TMCC2: variants seen among roughly 807,000 people sequenced by gnomAD.
The protein encoded by TMCC2 is transmembrane and coiled-coil domains protein 2.
TMCC2 carries 16 observed loss-of-function variants against 49.4 expected under a neutral mutation model. The ratio of observed to expected loss-of-function variants is 0.32; its 90% CI spans 0.22 to 0.49. TMCC2 has a LOEUF of 0.49. Among genes scored for constraint, TMCC2 ranks in the 20% least tolerant of loss-of-function variants. The pLI, the probability that TMCC2 is intolerant of heterozygous loss-of-function variation, is 0.99. For synonymous variants in TMCC2, 397 were observed against 434.1 expected, an observed-to-expected ratio of 0.91 and a Z score of 1.06; for missense variants, 762 against 989.8, an observed-to-expected ratio of 0.77 and a Z score of 3.09.
chr1:205,256,089 A>C, intron 2 of TMCC2: 1 of 806,982 alleles, frequency 1.2e-6, no homozygotes, highest in Non-Finnish European at 1.8e-6. Context: ...ACTGGCTCCC[A>C]GAGATAGCAC....
intron 3 of TMCC2, 71 bp from the exon 4 acceptor site, chr1:205,271,049 A>G (rs1002943179): frequency 9.5e-6 from 15 of 1,580,038 alleles, no homozygotes; most frequent in Admixed American, 3.5e-5. Flanking sequence ...GAGAGAATGA[A>G]TGAATCAACT....
chr1:205,266,883 T>C (rs1350609011), intron 2 of TMCC2, among the ~76,000 whole-genome samples: 5 of 152,354 alleles, frequency 3.3e-5, no homozygotes, highest in Non-Finnish European at 7.3e-5. Context: ...GCGAGGACAC[T>C]GAAGGTCAGG....
intron 1 of TMCC2, among the ~76,000 whole-genome samples, chr1:205,239,581 G>A (rs1010694643): frequency 6.6e-6 from 1 of 152,206 alleles, no homozygotes; most frequent in African/African-American, 2.4e-5. Context: ...TCTAAATGGA[G>A]ATGTTTCCGT....
At chr1:205,267,326 G>C (rs1385440994) in intron 2 of TMCC2, among the ~76,000 whole-genome samples, 1 of 152,212 alleles carries the variant, frequency 6.6e-6, no homozygotes, top group Non-Finnish European at 1.5e-5. Context: ...ATCAAGCCAA[G>C]TGACTTATGC....
intron 2 of TMCC2, among the ~76,000 whole-genome samples, chr1:205,257,665 G>A (rs1660933589): frequency 6.6e-6 from 1 of 152,196 alleles, no homozygotes; most frequent in Admixed American, 6.5e-5. Context: ...TGGGGCCCAG[G>A]CACCTTATTA....
rs1381341155 is a variant in TMCC2, at chr1:205,241,653, C to G, written c.356C>G (p.Ser119Cys). The G allele has an allele frequency of 6.2e-7, 1 of 1,613,922 alleles. No individual in the cohort carries two copies. The highest frequency in any genetic ancestry group is 1.1e-5 in the South Asian group (1 of 91,076). Reference sequence around the variant, plus strand: ...CAGCAGGGTATGTCCGACCATGACTCCCCAGATGAGAAGGAGCGCTCTCCG... The same window carrying G: ...CAGCAGGGTATGTCCGACCATGACTGCCCAGATGAGAAGGAGCGCTCTCCG... ...QQQQGMSDHD[S>C]PDEKERSPEM... is the part of the protein sequence containing the mutation. Residue 119 changes from serine to cysteine, a missense_variant, in exon 2 of 5, where the codon TCC (serine) becomes TGC (cysteine). By Grantham distance (112) the Ser-to-Cys change is moderately radical (BLOSUM62 -1). Transcript: ENST00000358024. This position sits in a 1 kb window ranked among gnomAD's most constrained non-coding sequence, Gnocchi z 7.3.
chr1:205,256,494 T>C (rs1054424236), intron 2 of TMCC2: 6 of 1,422,008 alleles, frequency 4.2e-6, no homozygotes, highest in Non-Finnish European at 4.9e-6. Context: ...CAGAAGCTAG[T>C]GCAGAAGTGG....
chr1:205,271,493 GC>G, intron 4 of TMCC2: 1 of 689,886 alleles, frequency 1.4e-6, no homozygotes, highest in South Asian at 1.9e-5. Flanking sequence ...AGGCCACCAT[GC>G]CCCCCACCTC....
chr1:205,271,330 G>A, intron 4 of TMCC2, 75 bp downstream of exon 4: 1 of 1,610,122 alleles, frequency 6.2e-7, no homozygotes, highest in Non-Finnish European at 8.5e-7. Context: ...TAGGGTTCTT[G>A]TCACGTGGGG....
chr1:205,229,547 G>T (rs555588968), intron 1 of TMCC2: 97 of 104,970 alleles, frequency 9.2e-4, no homozygotes, highest in East Asian at 2.0e-3. Flanking sequence ...TGAAGGGGCG[G>T]GGGGGGGGGG....
intron 2 of TMCC2, chr1:205,257,348 GGAAACA>G (rs1406015178): frequency 7.3e-6 from 9 of 1,232,160 alleles, no homozygotes; most frequent in Non-Finnish European, 9.1e-6. Context: ...CACGGCTTCG[GGAAACA>G]GTGCCCACAC....
intron 2 of TMCC2, among the ~76,000 whole-genome samples, chr1:205,261,943 T>C (rs1469880687): frequency 6.6e-6 from 1 of 152,218 alleles, no homozygotes; most frequent in Non-Finnish European, 1.5e-5. Context: ...TCTCACCCTC[T>C]GTCCTGTTCC....
intron 1 of TMCC2, among the ~76,000 whole-genome samples, chr1:205,234,910 C>T (rs1220591806): frequency 1.3e-5 from 2 of 152,078 alleles, no homozygotes; most frequent in East Asian, 1.9e-4. Flanking sequence ...CCACTCTCCT[C>T]GGCCTCCCAA....
intron 2 of TMCC2, among the ~76,000 whole-genome samples, chr1:205,257,976 G>A (rs1660946176): frequency 6.6e-6 from 1 of 152,206 alleles, no homozygotes; most frequent in Non-Finnish European, 1.5e-5. Flanking sequence ...ACACTGAGGG[G>A]AGGATGTAGT....
intron 1 of TMCC2, among the ~76,000 whole-genome samples, chr1:205,230,564 A>C (rs1659749501): frequency 6.6e-6 from 1 of 152,154 alleles, no homozygotes; most frequent in Non-Finnish European, 1.5e-5. Flanking sequence ...CTTCAGCCTC[A>C]TTCTGAGCCG....
intron 2 of TMCC2, among the ~76,000 whole-genome samples, chr1:205,259,961 T>C (rs1238949626): frequency 2.0e-5 from 3 of 152,186 alleles, no homozygotes; most frequent in African/African-American, 7.2e-5. Context: ...AGCTCTGGCT[T>C]ATCCAGACAT....
At chr1:205,262,230 G>A (rs1270294273) in intron 2 of TMCC2, among the ~76,000 whole-genome samples, 1 of 152,136 alleles carries the variant, frequency 6.6e-6, no homozygotes, top group Non-Finnish European at 1.5e-5. Context: ...TCTGTGATTG[G>A]AGACCCAACA....
intron 1 of TMCC2, among the ~76,000 whole-genome samples, chr1:205,232,348 C>G (rs746014525): frequency 1.3e-5 from 2 of 152,216 alleles, no homozygotes; most frequent in Admixed American, 1.3e-4. Context: ...CATCCTGCAA[C>G]AGGAGCACAA....
chr1:205,257,266 T>A, intron 2 of TMCC2: 1 of 1,232,140 alleles, frequency 8.1e-7, no homozygotes, highest in Non-Finnish European at 1.0e-6. Context: ...CTGCCCAGGG[T>A]CTGTGACCCC....
Sources: allele counts gnomAD v4.1 joint callset (sites outside exome capture counted in the v4.1 genomes callset), GRCh38; gene constraint gnomAD v4.1.1; non-coding constraint Gnocchi (gnomAD v3.1); transcripts MANE v1.5; gene names NCBI Gene and HGNC (gene_info 2026-07-23, HGNC 2026-07-21).